CCDC91: variants seen among roughly 807,000 people sequenced by gnomAD.
The protein encoded by CCDC91 is coiled-coil domain containing 91.
Under a neutral mutation model 63.2 loss-of-function variants are expected in CCDC91, and 48 were observed. The ratio of observed to expected loss-of-function variants is 0.76; its 90% CI spans 0.60 to 0.97. CCDC91 has a LOEUF of 0.97. CCDC91 is among the 50% of genes least tolerant of loss of function. The pLI is 0.00. For missense variants in CCDC91, 500 were observed against 494.6 expected (o/e 1.01, Z -0.10); for synonymous variants, 167 against 165.8 (o/e 1.01, Z -0.06).
intron 1 of CCDC91, chr12:28,226,296 G>A (rs1246369789): frequency 2.0e-5 from 3 of 152,276 alleles, no homozygotes; most frequent in Admixed American, 1.3e-4. Context: ...TTAACTGGGT[G>A]AATAACAAAG....
chr12:28,198,063 G>T (rs930700775), intron 1 of CCDC91, among the ~76,000 whole-genome samples: 3 of 152,116 alleles, frequency 2.0e-5, no homozygotes, highest in African/African-American at 7.2e-5. Flanking sequence ...GTACATTTTG[G>T]TATTTACATT....
chr12:28,498,396 G>T (rs575588642), intron 12 of CCDC91, among the ~76,000 whole-genome samples: 2 of 151,546 alleles, frequency 1.3e-5, no homozygotes, highest in African/African-American at 4.8e-5. Flanking sequence ...AAGAGAGAAA[G>T]CCCAAACAGG....
chr12:28,414,362 G>T (rs1947510824), intron 8 of CCDC91, among the ~76,000 whole-genome samples: 3 of 152,022 alleles, frequency 2.0e-5, no homozygotes, highest in African/African-American at 7.2e-5. Flanking sequence ...CTGTGTGTAG[G>T]GGAAGGAAGA....
intron 1 of CCDC91, chr12:28,255,617 T>C (rs1946395733): frequency 6.6e-6 from 1 of 152,202 alleles, no homozygotes; most frequent in South Asian, 2.1e-4. Flanking sequence ...TTTTAATTTT[T>C]GGAGAAATAC....
At chr12:28,200,024 C>G (rs1274341634) in intron 1 of CCDC91, among the ~76,000 whole-genome samples, 2 of 151,926 alleles carry the variant, frequency 1.3e-5, no homozygotes, top group African/African-American at 4.8e-5. Context: ...TTCAAATATT[C>G]TTTCTGTTCC....
chr12:28,274,291 T>C (rs1367100372), intron 3 of CCDC91, among the ~76,000 whole-genome samples: 5 of 152,160 alleles, frequency 3.3e-5, no homozygotes, highest in African/African-American at 1.2e-4. Flanking sequence ...TCCAGCTTTG[T>C]TCTTTAGGCT....
rs191115471 is a variant in CCDC91, at chr12:28,354,097, A to G, written c.577-8341A>G. Among the ~76,000 whole-genome samples the G allele has an allele frequency of 1.7e-4, 26 of 152,344 alleles. No homozygotes were observed. The East Asian group carries it at 4.6e-3, about 27-fold the overall frequency. ...TCTGTGAAGCACAATATAATGAAGT[A>G]CAGTAAAATGAATTACATGCACTTA... On this transcript the variant is annotated intron_variant, in intron 6 of 12. Transcript: ENST00000536442.
intron 1 of CCDC91, among the ~76,000 whole-genome samples, chr12:28,197,769 G>A (rs1472139957): frequency 1.3e-5 from 2 of 152,038 alleles, no homozygotes; most frequent in South Asian, 4.1e-4. Context: ...GATGTTATCA[G>A]TACTTCTGAA....
chr12:28,283,394 CT>C (rs1948723675), intron 3 of CCDC91, among the ~76,000 whole-genome samples: 1 of 151,640 alleles, frequency 6.6e-6, no homozygotes, highest in Non-Finnish European at 1.5e-5. Context: ...TTTCATCAGT[CT>C]TTTGTTGTTC....
At chr12:28,493,005 A>G (rs1415884902) in intron 12 of CCDC91, among the ~76,000 whole-genome samples, 1 of 151,696 alleles carries the variant, frequency 6.6e-6, no homozygotes, top group African/African-American at 2.4e-5. Context: ...ACTCAACTTA[A>G]ATGGAAATTT....
chr12:28,440,205 CT>C (rs1949112729), intron 8 of CCDC91, among the ~76,000 whole-genome samples: 1 of 152,180 alleles, frequency 6.6e-6, no homozygotes, highest in Non-Finnish European at 1.5e-5. Context: ...GCAATATTAA[CT>C]TTTCCTTAAC....
At chr12:28,305,103 T>G (rs2137065653) in intron 3 of CCDC91, among the ~76,000 whole-genome samples, 1 of 152,252 alleles carries the variant, frequency 6.6e-6, no homozygotes, top group Admixed American at 6.5e-5. Context: ...ATTAGTTGTT[T>G]CAAAGTAATT....
At chr12:28,507,066 T>C (rs1938817288) in intron 12 of CCDC91, among the ~76,000 whole-genome samples, 1 of 151,962 alleles carries the variant, frequency 6.6e-6, no homozygotes, top group African/African-American at 2.4e-5. Flanking sequence ...AGTGAATGAT[T>C]TGAATATCTT....
At chr12:28,483,840 G>A (rs1442955336) in intron 11 of CCDC91, among the ~76,000 whole-genome samples, 4 of 152,162 alleles carry the variant, frequency 2.6e-5, no homozygotes, top group Middle Eastern at 3.4e-3. Context: ...GGCATATTCC[G>A]TTCCTTTCCT....
intron 3 of CCDC91, chr12:28,304,851 G>A (rs1565766067): frequency 3.5e-6 from 1 of 286,210 alleles, no homozygotes; most frequent in Non-Finnish European, 6.8e-6. Flanking sequence ...ATATATGTAC[G>A]ACATGTTTAT....
intron 6 of CCDC91, among the ~76,000 whole-genome samples, chr12:28,353,433 G>A (rs2138312469): frequency 6.6e-6 from 1 of 152,246 alleles, no homozygotes; most frequent in South Asian, 2.1e-4. Flanking sequence ...AGAGCCCTTG[G>A]TTTTGGCTGC....
chr12:28,489,393 G>A (rs989183675), intron 12 of CCDC91, among the ~76,000 whole-genome samples: 8 of 151,856 alleles, frequency 5.3e-5, no homozygotes, highest in African/African-American at 1.9e-4. Context: ...GGAATAATTT[G>A]TGGTTTATAA....
chr12:28,363,963 GT>G (rs5797270), intron 7 of CCDC91, among the ~76,000 whole-genome samples: 60 of 138,590 alleles, frequency 4.3e-4, no homozygotes, highest in South Asian at 3.8e-3. Context: ...AGTGAAAAGT[GT>G]TTTTTTTTTT....
chr12:28,441,743 A>G (rs1949234667), intron 8 of CCDC91, among the ~76,000 whole-genome samples: 2 of 150,078 alleles, frequency 1.3e-5, no homozygotes, highest in African/African-American at 2.4e-5. Context: ...TCTCATATAT[A>G]TATCTCATAT....
Sources: gnomAD v4.1 joint callset for allele counts (sites outside exome capture counted in the v4.1 genomes callset) on GRCh38, gnomAD v4.1.1 for gene constraint, MANE v1.5 for transcripts, NCBI Gene and HGNC (gene_info 2026-07-23, HGNC 2026-07-21) for gene names.